Variants in TTC29 observed in about 807,000 individuals in gnomAD.
The protein encoded by TTC29 is tetratricopeptide repeat domain 29, also known as tetratricopeptide repeat protein 29.
In TTC29, 49 loss-of-function variants were observed where a neutral mutation model predicts 58.1. The observed-to-expected ratio is 0.84, with a 90% confidence interval of 0.67 to 1.07. TTC29 has a LOEUF of 1.07. Ranked by LOEUF, TTC29 falls within the 50% of genes least tolerant of loss-of-function variation. The pLI, the probability that TTC29 is intolerant of heterozygous loss-of-function variation, is 0.00. For missense variants in TTC29, 582 were observed against 555.6 expected (o/e 1.05, Z -0.48); for synonymous variants, 209 against 196.8 (o/e 1.06, Z -0.52).
At chr4:146,793,227 C>A (rs1184999296) in intron 11 of TTC29, among the ~76,000 whole-genome samples, 1 of 152,134 alleles carries the variant, frequency 6.6e-6, no homozygotes, top group East Asian at 1.9e-4. Flanking sequence ...TGCTATCAAA[C>A]AGCATTGCAT....
chr4:146,940,888 AC>A (rs778130611), intron 2 of TTC29, among the ~76,000 whole-genome samples: 14 of 152,240 alleles, frequency 9.2e-5, no homozygotes, highest in Non-Finnish European at 2.1e-4. Flanking sequence ...TAACAAGTTC[AC>A]CCAGATTCAA....
intron 2 of TTC29, among the ~76,000 whole-genome samples, chr4:146,943,878 G>A (rs1736665985): frequency 6.6e-6 from 1 of 152,096 alleles, no homozygotes; most frequent in Non-Finnish European, 1.5e-5. Context: ...GTTCCCATGT[G>A]AGCTCCAATT....
intron 10 of TTC29, among the ~76,000 whole-genome samples, chr4:146,808,577 G>A (rs941305631): frequency 6.6e-6 from 1 of 152,168 alleles, no homozygotes; most frequent in African/African-American, 2.4e-5. Context: ...AAACTCACAA[G>A]CATTCCTATA....
In TTC29 at chr4:146,924,645, G is replaced by A. The variant is rs142846457; in HGVS notation, c.176+12949C>T. Among the ~76,000 whole-genome samples, 36 of 151,704 alleles carry A rather than the reference G, an allele frequency of 2.4e-4. No homozygotes were observed. The East Asian group carries it at 6.0e-3, about 25-fold the overall frequency. ...GTGTCTTCTATTTTTTCTCTGATCA[G>A]TTTGACGAATGGTTGATCAATTTTT... On this transcript the variant is annotated intron_variant, in intron 4 of 12. Transcript: ENST00000325106.
chr4:146,901,099 T>C (rs186048852), intron 6 of TTC29, among the ~76,000 whole-genome samples: 1 of 152,242 alleles, frequency 6.6e-6, no homozygotes, highest in East Asian at 1.9e-4. Flanking sequence ...GATGGTGTAA[T>C]TACAAAAACA....
At chr4:146,906,138 A>G (rs1000982028) in intron 5 of TTC29, among the ~76,000 whole-genome samples, 2 of 152,188 alleles carry the variant, frequency 1.3e-5, no homozygotes, top group African/African-American at 2.4e-5. Context: ...TGGCACAGCA[A>G]TGATTCATGA....
intron 8 of TTC29, among the ~76,000 whole-genome samples, chr4:146,837,116 G>A (rs1350438498): frequency 1.3e-5 from 2 of 152,076 alleles, no homozygotes; most frequent in Non-Finnish European, 2.9e-5. Context: ...AATGCTCACT[G>A]GATAAAGAAA....
At chr4:146,913,821 G>A (rs917962224) in intron 4 of TTC29, among the ~76,000 whole-genome samples, 41 of 152,066 alleles carry the variant, frequency 2.7e-4, no homozygotes, top group African/African-American at 9.9e-4. Context: ...TGATTCAGAA[G>A]GGGTTGGACA....
At chr4:146,860,957 T>C (rs1238220060) in intron 8 of TTC29, among the ~76,000 whole-genome samples, 3 of 152,280 alleles carry the variant, frequency 2.0e-5, no homozygotes, top group Non-Finnish European at 2.9e-5. Flanking sequence ...TAAATAATAG[T>C]AATGGGGTGA....
At chr4:146,825,068 AT>A (rs70937702) in intron 9 of TTC29, among the ~76,000 whole-genome samples, 3 of 151,812 alleles carry the variant, frequency 2.0e-5, no homozygotes, top group South Asian at 4.2e-4. Context: ...GGATTCATTG[AT>A]TTTTTGGAGG....
intron 5 of TTC29, 149 bp from the exon 6 acceptor site, chr4:146,903,878 T>C: frequency 4.1e-6 from 2 of 491,672 alleles, no homozygotes; most frequent in Non-Finnish European, 6.8e-6. Flanking sequence ...CAAAAATTAA[T>C]TTATTTTAAC....
At chr4:146,819,051 C>A (rs184459028) in intron 10 of TTC29, among the ~76,000 whole-genome samples, 1 of 151,606 alleles carries the variant, frequency 6.6e-6, no homozygotes, top group Admixed American at 6.6e-5. Flanking sequence ...CACACGTATA[C>A]ATATGTAACT....
intron 11 of TTC29, among the ~76,000 whole-genome samples, chr4:146,731,207 T>C (rs960720336): frequency 6.6e-6 from 1 of 152,046 alleles, no homozygotes; most frequent in Non-Finnish European, 1.5e-5. Context: ...TACCTTATGG[T>C]CATTATCTTT....
chr4:146,809,202 G>A, intron 10 of TTC29, among the ~76,000 whole-genome samples: 1 of 149,828 alleles, frequency 6.7e-6, no homozygotes, highest in East Asian at 2.0e-4. Context: ...AACTGAAACT[G>A]GGTCCCTTCC....
intron 8 of TTC29, among the ~76,000 whole-genome samples, chr4:146,847,389 C>A (rs890567340): frequency 2.6e-5 from 4 of 152,142 alleles, no homozygotes; most frequent in African/African-American, 9.7e-5. Context: ...AGTTCAACAG[C>A]AAGCTTTTGC....
intron 6 of TTC29, among the ~76,000 whole-genome samples, chr4:146,898,932 T>A (rs1372958546): frequency 6.6e-6 from 1 of 152,210 alleles, no homozygotes; most frequent in Non-Finnish European, 1.5e-5. Context: ...ATGTAAACCA[T>A]CTAGTCTCAG....
chr4:146,778,127 C>G (rs913421011), intron 11 of TTC29, among the ~76,000 whole-genome samples: 20 of 148,798 alleles, frequency 1.3e-4, no homozygotes, highest in African/African-American at 4.6e-4. Flanking sequence ...TCTTTGTGCT[C>G]TATTTTATTT....
chr4:146,849,069 A>C (rs1325056628), intron 8 of TTC29, among the ~76,000 whole-genome samples: 2 of 151,980 alleles, frequency 1.3e-5, no homozygotes, highest in Non-Finnish European at 2.9e-5. Flanking sequence ...TGCTGCCCTC[A>C]GTATGCCTGA....
At chr4:146,822,611 GTA>G (rs1278914527) in intron 9 of TTC29, among the ~76,000 whole-genome samples, 2 of 152,114 alleles carry the variant, frequency 1.3e-5, no homozygotes, top group Non-Finnish European at 2.9e-5. Context: ...GATCCTTTGG[GTA>G]TATATCCAGT....
Sources: allele counts gnomAD v4.1 joint callset (sites outside exome capture counted in the v4.1 genomes callset), GRCh38; gene constraint gnomAD v4.1.1; transcripts MANE v1.5; gene names NCBI Gene and HGNC (gene_info 2026-07-23, HGNC 2026-07-21).